TMEM132B: variants seen among roughly 807,000 people sequenced by gnomAD.
The protein encoded by TMEM132B is transmembrane protein 132B.
In TMEM132B, 18 loss-of-function variants were observed where a neutral mutation model predicts 90.8. The observed-to-expected ratio is 0.20, with a 90% CI of 0.14 to 0.29. TMEM132B has a LOEUF of 0.29. Ranked by LOEUF, TMEM132B falls within the 10% of genes least tolerant of loss-of-function variation. The pLI is 1.00. For synonymous variants in TMEM132B, 504 were observed against 523.3 expected, an observed-to-expected ratio of 0.96 and a Z score of 0.50; for missense variants, 1,096 against 1,326.8, an observed-to-expected ratio of 0.83 and a Z score of 2.70.
At chr12:125,308,537 G>T (rs1368734642) in intron 1 of TMEM132B, among the ~76,000 whole-genome samples, 1 of 152,154 alleles carries the variant, frequency 6.6e-6, no homozygotes, top group African/African-American at 2.4e-5. Flanking sequence ...TTATGCATTT[G>T]CCATTTTAAT....
At chr12:125,493,793 G>A (rs575828691) in intron 3 of TMEM132B, among the ~76,000 whole-genome samples, 77 of 144,366 alleles carry the variant, frequency 5.3e-4, no homozygotes, top group East Asian at 4.3e-4. Context: ...TCCTCCCTGG[G>A]AATGGCCGTG....
intron 5 of TMEM132B, among the ~76,000 whole-genome samples, chr12:125,614,907 A>G (rs1885950285): frequency 6.6e-6 from 1 of 152,140 alleles, no homozygotes; most frequent in Non-Finnish European, 1.5e-5. Flanking sequence ...TCAAGAATAT[A>G]TTAATTTCCC....
At chr12:125,205,247 G>C (rs1179209680) in intron 1 of TMEM132B, among the ~76,000 whole-genome samples, 1 of 151,898 alleles carries the variant, frequency 6.6e-6, no homozygotes, top group African/African-American at 2.4e-5. Context: ...GCCAGGCAGG[G>C]TGCTTAGCCC....
intron 1 of TMEM132B, among the ~76,000 whole-genome samples, chr12:125,270,112 T>TTGTGTGTGTA (rs1874795985): frequency 7.0e-6 from 1 of 143,144 alleles, no homozygotes; most frequent in African/African-American, 2.6e-5. Flanking sequence ...CACATCTTTG[T>TTGTGTGTGTA]TGTGTGTGTG....
At position 125,652,644 on chromosome 12, in the gene TMEM132B, A is replaced by G; in HGVS notation, c.2106+12A>G. The G allele has an allele frequency of 6.2e-7, 1 of 1,604,308 alleles. No homozygotes were observed. The highest frequency in any genetic ancestry group is 8.5e-7 in the Non-Finnish European group (1 of 1,174,942). ...AGTCCCCACAGCAGGTGAGCGTTCC[A>G]GGGGCCCTGCGTCCTTGGTCAGTGG... On this transcript the variant is annotated intron_variant, in intron 8 of 8. Coordinates refer to ENST00000682704, the MANE Select transcript of TMEM132B (RefSeq NM_001366854.1).
At chr12:125,569,418 C>G (rs1216620454) in intron 4 of TMEM132B, among the ~76,000 whole-genome samples, 2 of 152,186 alleles carry the variant, frequency 1.3e-5, no homozygotes, top group Non-Finnish European at 2.9e-5. Flanking sequence ...CCTCTTAGCA[C>G]TTAGTTGCAG....
rs1324473212 is a variant in TMEM132B at position 125,613,153 on chromosome 12, CAT to C, written c.1437+29166_1437+29167del. Among the ~76,000 whole-genome samples, 53 of 99,048 alleles carry C rather than the reference CAT, an allele frequency of 5.4e-4. 2 individuals are homozygous for C. Among genetic ancestry groups the C allele is most frequent in the Non-Finnish European group, 4.5e-4 (23 of 50,946 alleles). 65.0% of individuals were successfully genotyped at this position (99,048 alleles called of 152,430 possible). On this transcript the variant is annotated intron_variant, in intron 5 of 8. Coordinates refer to ENST00000682704, the MANE Select transcript of TMEM132B (RefSeq NM_001366854.1). The stretch of plus-strand genomic sequence containing the variant: ...TTATATATTATATATAAATATATAT[CAT>C]ATATATTTATATATTATATATAAAT...
intron 3 of TMEM132B, among the ~76,000 whole-genome samples, chr12:125,430,259 G>A (rs550197550): frequency 2.0e-5 from 3 of 152,186 alleles, no homozygotes; most frequent in South Asian, 2.1e-4. Context: ...TGGGGTTGTC[G>A]GGTGAGCGCA....
At chr12:125,588,840 T>C (rs1885239281) in intron 5 of TMEM132B, among the ~76,000 whole-genome samples, 1 of 152,178 alleles carries the variant, frequency 6.6e-6, no homozygotes, top group Non-Finnish European at 1.5e-5. Flanking sequence ...GGTGGAAATC[T>C]TGTCAGATGG....
chr12:125,430,150 A>G (rs1880456460), intron 3 of TMEM132B, among the ~76,000 whole-genome samples: 1 of 152,196 alleles, frequency 6.6e-6, no homozygotes, highest in African/African-American at 2.4e-5. Flanking sequence ...CCTTAATAAA[A>G]TATTACTAAA....
intron 5 of TMEM132B, among the ~76,000 whole-genome samples, chr12:125,610,264 G>A (rs74839083): frequency 0.15 from 22,224 of 151,908 alleles, 1,941 homozygotes; most frequent in African/African-American, 0.21. Flanking sequence ...AGAACTTCCT[G>A]TACAATGTTG....
intron 2 of TMEM132B, among the ~76,000 whole-genome samples, chr12:125,396,433 C>A (rs1456020907): frequency 6.6e-6 from 1 of 152,184 alleles, no homozygotes; most frequent in African/African-American, 2.4e-5. Flanking sequence ...ATATGCCAGG[C>A]TCTGTTCTAA....
At chr12:125,299,361 C>T (rs558809522) in intron 1 of TMEM132B, among the ~76,000 whole-genome samples, 11 of 152,282 alleles carry the variant, frequency 7.2e-5, no homozygotes, top group Non-Finnish European at 1.2e-4. Context: ...CTGGCGGCTC[C>T]TCCCAAGCCC....
At chr12:125,268,282 GCA>G (rs1226997479) in intron 1 of TMEM132B, among the ~76,000 whole-genome samples, 1 of 152,154 alleles carries the variant, frequency 6.6e-6, no homozygotes, top group Non-Finnish European at 1.5e-5. Context: ...AATTACAAAT[GCA>G]CACACTTTGA....
chr12:125,594,202 A>G (rs1474316504), intron 5 of TMEM132B, among the ~76,000 whole-genome samples: 1 of 152,126 alleles, frequency 6.6e-6, no homozygotes, highest in Non-Finnish European at 1.5e-5. Flanking sequence ...CCATCCAGTT[A>G]ATTTGACATT....
In TMEM132B at chr12:125,458,973, T is replaced by A. The variant is rs60902419; in HGVS notation, c.1106+43296T>A. On this transcript the variant is annotated intron_variant, in intron 3 of 8. Coordinates refer to ENST00000682704, the MANE Select transcript of TMEM132B (RefSeq NM_001366854.1). This position sits in a 1 kb window ranked among gnomAD's most constrained non-coding sequence, Gnocchi z 4.9. ...CCATCAGGGAGAGACAAAATAGGTG[T>A]GTGGTCATGGAGCTCAGATTCCCTG... Among the ~76,000 whole-genome samples the A allele has an allele frequency of 0.12, 17,929 of 152,202 alleles. 1,119 individuals carry two copies. The highest frequency in any genetic ancestry group is 0.16 in the African/African-American group (6,569 of 41,492).
At chr12:125,201,717 T>C in intron 1 of TMEM132B, among the ~76,000 whole-genome samples, 1 of 152,238 alleles carries the variant, frequency 6.6e-6, no homozygotes. Flanking sequence ...GAAGAGGAAC[T>C]CCTACCCCTT....
intron 4 of TMEM132B, among the ~76,000 whole-genome samples, chr12:125,564,294 A>G (rs1323586854): frequency 1.3e-5 from 2 of 152,348 alleles, no homozygotes; most frequent in Admixed American, 6.5e-5. Flanking sequence ...TGAATAATTT[A>G]TCACACGGAT....
intron 4 of TMEM132B, among the ~76,000 whole-genome samples, chr12:125,566,467 C>G (rs2136813928): frequency 6.6e-6 from 1 of 152,304 alleles, no homozygotes; most frequent in South Asian, 2.1e-4. Flanking sequence ...CACTCGTATA[C>G]CCAACAACAT....
Sources: gnomAD v4.1 joint callset for allele counts (sites outside exome capture counted in the v4.1 genomes callset) on GRCh38, gnomAD v4.1.1 for gene constraint, Gnocchi (gnomAD v3.1) non-coding constraint, MANE v1.5 for transcripts, NCBI Gene and HGNC (gene_info 2026-07-23, HGNC 2026-07-21) for gene names.